DEPTOR: variants seen among roughly 807,000 people sequenced by gnomAD.
DEPTOR encodes DEP domain containing MTOR interacting protein.
DEPTOR carries 41 observed loss-of-function variants against 41.6 expected under a neutral mutation model. The observed-to-expected ratio is 0.98, with a 90% CI of 0.77 to 1.28. DEPTOR has a LOEUF of 1.28. Among genes scored for constraint, DEPTOR ranks in the 50% most tolerant of loss-of-function variants. The pLI is 0.00. For missense variants in DEPTOR, 514 were observed against 527.9 expected, an observed-to-expected ratio of 0.97 and a Z score of 0.26; for synonymous variants, 195 against 192.3, an observed-to-expected ratio of 1.01 and a Z score of -0.12.
intron 8 of DEPTOR, among the ~76,000 whole-genome samples, chr8:120,012,136 G>A (rs976216214): frequency 1.3e-5 from 2 of 152,136 alleles, no homozygotes. Flanking sequence ...CATGCAAAAG[G>A]AATCTTTATC....
chr8:120,007,077 C>G (rs111313144), intron 7 of DEPTOR, among the ~76,000 whole-genome samples: 4 of 152,304 alleles, frequency 2.6e-5, no homozygotes, highest in African/African-American at 9.6e-5. Context: ...TATTAATATA[C>G]CATTTAAAAA....
intron 3 of DEPTOR, among the ~76,000 whole-genome samples, chr8:119,931,578 C>G (rs142285495): frequency 6.6e-6 from 1 of 152,132 alleles, no homozygotes; most frequent in African/African-American, 2.4e-5. Context: ...CTGTGTTATG[C>G]GCTCTGTCCC....
chr8:119,907,127 G>A (rs2129771650), intron 1 of DEPTOR, among the ~76,000 whole-genome samples: 1 of 152,222 alleles, frequency 6.6e-6, no homozygotes, highest in South Asian at 2.1e-4. Flanking sequence ...TGATGTTGTA[G>A]CAACAAAACT....
At chr8:119,917,100 C>T (rs142040645) in intron 1 of DEPTOR, among the ~76,000 whole-genome samples, 1 of 152,232 alleles carries the variant, frequency 6.6e-6, no homozygotes, top group African/African-American at 2.4e-5. Flanking sequence ...ACAGTGACTC[C>T]GGCAAGAGAT....
chr8:119,909,466 G>C (rs1234747782), intron 1 of DEPTOR, among the ~76,000 whole-genome samples: 1 of 152,126 alleles, frequency 6.6e-6, no homozygotes, highest in African/African-American at 2.4e-5. Flanking sequence ...TCTTTATATA[G>C]GCATCAGCAG....
chr8:119,998,535 T>C (rs2130071821), intron 4 of DEPTOR, among the ~76,000 whole-genome samples: 2 of 152,304 alleles, frequency 1.3e-5, no homozygotes, highest in South Asian at 4.1e-4. Flanking sequence ...GACTTCCGCA[T>C]GATGGTGACC....
intron 1 of DEPTOR, among the ~76,000 whole-genome samples, chr8:119,921,899 TACAGGCACAC>T (rs1345470247): frequency 6.6e-6 from 1 of 151,904 alleles, no homozygotes; most frequent in African/African-American, 2.4e-5. Context: ...TAGCTGGGAC[TACAGGCACAC>T]ACCACCACAC....
At chr8:119,909,274 C>T (rs947358765) in intron 1 of DEPTOR, among the ~76,000 whole-genome samples, 2 of 152,156 alleles carry the variant, frequency 1.3e-5, no homozygotes, top group Non-Finnish European at 2.9e-5. Flanking sequence ...TGCCAAGTGC[C>T]ACCCCAGTTC....
chr8:120,037,886 G>T (rs947495612), intron 8 of DEPTOR, among the ~76,000 whole-genome samples: 4 of 152,104 alleles, frequency 2.6e-5, no homozygotes, highest in Non-Finnish European at 4.4e-5. Context: ...TGGCAATGGT[G>T]TTGGCAATGG....
intron 1 of DEPTOR, among the ~76,000 whole-genome samples, chr8:119,892,786 AT>A (rs111693158): frequency 8.8e-5 from 13 of 147,112 alleles, no homozygotes; most frequent in Non-Finnish European, 9.0e-5. Flanking sequence ...CTTTATTATA[AT>A]TTTTTTTTTT....
chr8:119,925,770 A>T (rs1459911840), intron 1 of DEPTOR, among the ~76,000 whole-genome samples: 16 of 152,218 alleles, frequency 1.1e-4, no homozygotes. Context: ...GATTACAGGC[A>T]TGCACCACCG....
At chr8:119,902,872 T>C (rs187399345) in intron 1 of DEPTOR, among the ~76,000 whole-genome samples, 12 of 152,266 alleles carry the variant, frequency 7.9e-5, no homozygotes, top group Admixed American at 5.9e-4. Flanking sequence ...GGAGAGAACA[T>C]CTTGAGGGTC....
chr8:119,899,174 A>G (rs901543899), intron 1 of DEPTOR, among the ~76,000 whole-genome samples: 4 of 152,152 alleles, frequency 2.6e-5, no homozygotes, highest in African/African-American at 9.7e-5. Flanking sequence ...TCATTTTGTC[A>G]TATATTTATC....
chr8:119,935,652 C>T (rs907048146), intron 3 of DEPTOR, among the ~76,000 whole-genome samples: 4 of 150,530 alleles, frequency 2.7e-5, no homozygotes, highest in East Asian at 1.9e-4. Flanking sequence ...ACCCAGGAGG[C>T]GGAGGTTGCA....
intron 4 of DEPTOR, among the ~76,000 whole-genome samples, chr8:119,968,308 G>A (rs1031922312): frequency 6.6e-6 from 1 of 151,796 alleles, no homozygotes; most frequent in Non-Finnish European, 1.5e-5. Context: ...ACATTAATAT[G>A]AGAGCTACCT....
intron 1 of DEPTOR, among the ~76,000 whole-genome samples, chr8:119,893,799 G>A (rs1827480526): frequency 6.6e-6 from 1 of 152,056 alleles, no homozygotes; most frequent in Non-Finnish European, 1.5e-5. Flanking sequence ...CTCTCCATAG[G>A]TTCTTGAGAT....
chr8:119,958,869 G>C, intron 3 of DEPTOR, among the ~76,000 whole-genome samples: 1 of 152,140 alleles, frequency 6.6e-6, no homozygotes, highest in East Asian at 1.9e-4. Context: ...CCAAGTTCAA[G>C]GGAAATAGAA....
intron 8 of DEPTOR, among the ~76,000 whole-genome samples, chr8:120,043,754 G>A (rs577685756): frequency 9.2e-5 from 14 of 152,254 alleles, no homozygotes; most frequent in South Asian, 8.3e-4. Flanking sequence ...GCTCATGCCT[G>A]CAATTCCAGC....
chr8:119,875,648 T>C (rs537684343), intron 1 of DEPTOR, among the ~76,000 whole-genome samples: 1 of 152,232 alleles, frequency 6.6e-6, no homozygotes, highest in East Asian at 1.9e-4. Flanking sequence ...CTGGGACTGA[T>C]GGGTGTCAGG....
Sources: gnomAD v4.1 joint callset for allele counts (sites outside exome capture counted in the v4.1 genomes callset) on GRCh38, gnomAD v4.1.1 for gene constraint, MANE v1.5 for transcripts, NCBI Gene and HGNC (gene_info 2026-07-23, HGNC 2026-07-21) for gene names.